The following RBFOX3 variants were observed in gnomAD, a reference collection of about 807,000 sequenced individuals.
RBFOX3 encodes the protein RNA binding protein fox-1 homolog 3.
In RBFOX3, 17 loss-of-function variants were observed where a neutral mutation model predicts 48.7. The observed-to-expected ratio is 0.35, with a 90% CI of 0.24 to 0.52. The LOEUF is 0.52. Among genes scored for constraint, RBFOX3 ranks in the 20% least tolerant of loss-of-function variants. RBFOX3 has a pLI of 0.94. For missense variants in RBFOX3, 382 were observed against 497.5 expected (o/e 0.77, Z 2.21); for synonymous variants, 212 against 209.5 (o/e 1.01, Z -0.10).
chr17:79,283,489 G>A (rs529084936), intron 3 of RBFOX3, among the ~76,000 whole-genome samples: 52 of 152,214 alleles, frequency 3.4e-4, no homozygotes, highest in African/African-American at 1.1e-3. Context: ...GGCTGGTCTC[G>A]AACTCCTGAC....
rs1331787147 is a variant in RBFOX3, at chr17:79,391,294, C to T, written c.-174-83470G>A. Among the ~76,000 whole-genome samples the T allele has an allele frequency of 2.0e-5, 3 of 152,132 alleles. No individual in the cohort carries two copies. The highest frequency in any genetic ancestry group is 2.9e-5 in the Non-Finnish European group (2 of 68,040). Reference sequence around the variant, plus strand: ...GGGTCTCAGCTCCAGCACCTCTCACCTGACCCTCAATGACCAGCTGTCTCA... The same window carrying T: ...GGGTCTCAGCTCCAGCACCTCTCACTTGACCCTCAATGACCAGCTGTCTCA... On this transcript the variant is annotated intron_variant, in intron 2 of 14. Coordinates refer to ENST00000693108, the MANE Select transcript of RBFOX3 (RefSeq NM_001350451.2). This position sits in a 1 kb window ranked among gnomAD's most constrained non-coding sequence, Gnocchi z 5.0.
chr17:79,513,630 C>T (rs1276361600), intron 1 of RBFOX3, among the ~76,000 whole-genome samples: 1 of 152,196 alleles, frequency 6.6e-6, no homozygotes, highest in African/African-American at 2.4e-5. Flanking sequence ...AATCACAGCT[C>T]TGCCTCTTAC....
the RBFOX3 span, among the ~76,000 whole-genome samples, chr17:79,628,866 T>G: frequency 3.3e-5 from 5 of 152,210 alleles, no homozygotes; most frequent in Non-Finnish European, 7.3e-5. Context: ...AATAGGAGCA[T>G]CACACTGCCC....
intron 2 of RBFOX3, among the ~76,000 whole-genome samples, chr17:79,462,395 G>C (rs2075487916): frequency 6.6e-6 from 1 of 152,192 alleles, no homozygotes; most frequent in Non-Finnish European, 1.5e-5. Context: ...AAAAGTCATG[G>C]AGCATTACAT....
chr17:79,529,635 G>C (rs1236357430), intron 1 of RBFOX3, among the ~76,000 whole-genome samples: 5 of 152,206 alleles, frequency 3.3e-5, no homozygotes, highest in Non-Finnish European at 7.3e-5. Context: ...AAGGGGTAGA[G>C]GACACAGTCT....
At chr17:79,636,116 A>G in the RBFOX3 span, among the ~76,000 whole-genome samples, 112,181 of 152,072 alleles carry the variant, frequency 0.74, 41,660 homozygotes, top group Non-Finnish European at 0.77. Context: ...CAATGCATAA[A>G]TGCAACAGAA....
At chr17:79,642,383 A>G in the RBFOX3 span, among the ~76,000 whole-genome samples, 1 of 152,236 alleles carries the variant, frequency 6.6e-6, no homozygotes, top group African/African-American at 2.4e-5. Flanking sequence ...TACTGCAACT[A>G]TGTGAAGTGA....
Position 79,392,835 on chromosome 17 carries a change from C to T in RBFOX3, c.-174-85011G>A, listed in dbSNP as rs1260362011. On this transcript the variant is annotated intron_variant, in intron 2 of 14. Coordinates refer to ENST00000693108, the MANE Select transcript of RBFOX3 (RefSeq NM_001350451.2). The surrounding 1 kb of genome is among the most constrained non-coding windows in gnomAD (Gnocchi z 5.0). ...GTTTGTTACTGAGCATAACCTGCTG[C>T]TGCTGACTGAGACACTGACTCCTGC... 6.6e-6 allele frequency among the ~76,000 whole-genome samples: 1 copy of T among 152,216 alleles called. No homozygotes were observed. The highest frequency in any genetic ancestry group is 1.5e-5 in the Non-Finnish European group (1 of 68,044).
intron 4 of RBFOX3, among the ~76,000 whole-genome samples, chr17:79,180,486 G>A (rs1412028434): frequency 3.9e-5 from 6 of 152,070 alleles, no homozygotes; most frequent in African/African-American, 9.7e-5. Context: ...CAACACTCAC[G>A]CAGAGGACCT....
chr17:79,617,073 T>C, the RBFOX3 span, among the ~76,000 whole-genome samples: 3 of 152,116 alleles, frequency 2.0e-5, no homozygotes, highest in East Asian at 1.9e-4. Flanking sequence ...TCCCTCTTTC[T>C]CCTGACCCTT....
chr17:79,519,031 C>T (rs1157881925), intron 1 of RBFOX3, among the ~76,000 whole-genome samples: 1 of 152,230 alleles, frequency 6.6e-6, no homozygotes, highest in African/African-American at 2.4e-5. Context: ...CCGGGAAGCA[C>T]CAAGAGAAGC....
At chr17:79,646,404 T>G in the RBFOX3 span, among the ~76,000 whole-genome samples, 1 of 152,126 alleles carries the variant, frequency 6.6e-6, no homozygotes, top group Non-Finnish European at 1.5e-5. Flanking sequence ...GGGTAATTGA[T>G]AAAGAAAAGA....
chr17:79,523,727 G>A (rs1406825346), intron 1 of RBFOX3, among the ~76,000 whole-genome samples: 2 of 152,208 alleles, frequency 1.3e-5, no homozygotes, highest in Non-Finnish European at 2.9e-5. Context: ...TCACAACCCC[G>A]TGGGGTAGAA....
intron 2 of RBFOX3, among the ~76,000 whole-genome samples, chr17:79,308,387 T>G (rs964392906): frequency 6.6e-6 from 1 of 152,172 alleles, no homozygotes; most frequent in African/African-American, 2.4e-5. Context: ...ACCCCATCAG[T>G]GTCACCACGA....
the RBFOX3 span, among the ~76,000 whole-genome samples, chr17:79,620,131 A>T: frequency 2.1e-5 from 3 of 145,606 alleles, no homozygotes; most frequent in African/African-American, 8.0e-5. Flanking sequence ...ACATACACAC[A>T]TGCACACGCG....
chr17:79,640,026 A>AT, the RBFOX3 span, among the ~76,000 whole-genome samples: 1 of 152,162 alleles, frequency 6.6e-6, no homozygotes, highest in Non-Finnish European at 1.5e-5. Context: ...AAAGAAGTAA[A>AT]TTTTTTTCTA....
rs1172502875 is a variant in RBFOX3, at chr17:79,442,360, GGGGAGAGAGA to G, written c.-175+40084_-175+40093del. On this transcript the variant is annotated intron_variant, in intron 2 of 14. Transcript: ENST00000693108. ...GGGAGGGAGGGAGGGAGGAAGAGGGGGGGAGAGAGAGAGAGAGAGAGAGAGAGAGAGAGAG... is the reference window on the plus strand; with the variant it reads ...GGGAGGGAGGGAGGGAGGAAGAGGGGGAGAGAGAGAGAGAGAGAGAGAGAG... Among the ~76,000 whole-genome samples, 31 of 31,396 alleles carry G rather than the reference GGGGAGAGAGA, an allele frequency of 9.9e-4. 3 individuals carry two copies. The highest frequency in any genetic ancestry group is 4.1e-3 in the African/African-American group (27 of 6,546). The allele number at this position is 31,396 out of a possible 152,430, so 20.6% of individuals were successfully genotyped here.
chr17:79,155,804 C>T lies in RBFOX3; in HGVS notation c.-33-40056G>A, dbSNP rs887702660. 2.0e-5 allele frequency among the ~76,000 whole-genome samples: 3 copies of T among 152,168 alleles called. No individual in the cohort carries two copies. The South Asian group carries it at 6.2e-4, about 31-fold the overall frequency. On this transcript the variant is annotated intron_variant, in intron 4 of 14. Coordinates refer to ENST00000693108, the MANE Select transcript of RBFOX3 (RefSeq NM_001350451.2). ...GCAGGAGGCAGCCCACCCCTGCACC[C>T]CCAGGTTGGAGGCACCCCAGACGCA...
chr17:79,355,583 G>C (rs1171028835), intron 2 of RBFOX3, among the ~76,000 whole-genome samples: 5 of 151,368 alleles, frequency 3.3e-5, no homozygotes, highest in African/African-American at 1.2e-4. Flanking sequence ...TGAATTAATT[G>C]CTTTTTTTTT....
Sources: gnomAD v4.1 joint callset for allele counts (sites outside exome capture counted in the v4.1 genomes callset) on GRCh38, gnomAD v4.1.1 for gene constraint, Gnocchi (gnomAD v3.1) non-coding constraint, MANE v1.5 for transcripts, NCBI Gene and HGNC (gene_info 2026-07-23, HGNC 2026-07-21) for gene names.